The following CEP85L variants were observed in gnomAD, a reference collection of about 807,000 sequenced individuals.
CEP85L encodes the protein centrosomal protein of 85 kDa-like.
CEP85L carries 60 observed loss-of-function variants against 100.3 expected under a neutral mutation model. The observed-to-expected ratio is 0.60, with a 90% CI of 0.49 to 0.74. The LOEUF (loss-of-function observed/expected upper bound fraction) is 0.74. CEP85L is among the 30% of genes least tolerant of loss of function. The pLI, the probability that CEP85L is intolerant of heterozygous loss-of-function variation, is 0.00. For missense variants in CEP85L, 973 were observed against 936.2 expected (o/e 1.04, Z -0.51); for synonymous variants, 319 against 322.7 (o/e 0.99, Z 0.12).
At chr6:118,556,025 C>T (rs918132607) in intron 3 of CEP85L, among the ~76,000 whole-genome samples, 2 of 152,098 alleles carry the variant, frequency 1.3e-5, no homozygotes, top group African/African-American at 4.8e-5. Context: ...TGTATATGTA[C>T]CACATTTTCT....
chr6:118,557,775 C>T (rs1215080517), intron 3 of CEP85L, among the ~76,000 whole-genome samples: 2 of 152,154 alleles, frequency 1.3e-5, no homozygotes, highest in Non-Finnish European at 2.9e-5. Context: ...CATACAAATG[C>T]ATGACAATAA....
At chr6:118,467,509 G>T (rs1772617428) in intron 12 of CEP85L, among the ~76,000 whole-genome samples, 1 of 152,106 alleles carries the variant, frequency 6.6e-6, no homozygotes, top group Non-Finnish European at 1.5e-5. Flanking sequence ...AAATCAACTG[G>T]CTGGTAAAAC....
At chr6:118,546,734 G>A (rs546032699) in intron 3 of CEP85L, among the ~76,000 whole-genome samples, 3 of 151,914 alleles carry the variant, frequency 2.0e-5, no homozygotes, top group Admixed American at 6.6e-5. Context: ...TAGGCTTCTC[G>A]GTTTTGTATT....
At chr6:118,636,938 C>T (rs1008337378) in intron 1 of CEP85L, among the ~76,000 whole-genome samples, 1 of 152,208 alleles carries the variant, frequency 6.6e-6, no homozygotes, top group Non-Finnish European at 1.5e-5. Flanking sequence ...GGCTCTGTTT[C>T]TCTGGAGAAC....
chr6:118,705,017 T>A lies in CEP85L; in HGVS notation c.-28+5019A>T, dbSNP rs566419645. On this transcript the variant is annotated intron_variant, in intron 1 of 13. Coordinates refer to the CEP85L transcript ENST00000368488. The stretch of plus-strand genomic sequence containing the variant: ...TTCTTAGCCCTCTCTCCCAACCACA[T>A]CTGTTTTACTCCCTTTCATTTTTTC... Among the ~76,000 whole-genome samples, 16 of 152,228 alleles carry A rather than the reference T, an allele frequency of 1.1e-4. No homozygotes were observed. In the South Asian group the frequency reaches 2.7e-3, roughly 26 times the overall value.
At chr6:118,625,842 CCTT>C (rs371406208) in intron 2 of CEP85L, among the ~76,000 whole-genome samples, 20 of 152,282 alleles carry the variant, frequency 1.3e-4, no homozygotes, top group African/African-American at 4.6e-4. Flanking sequence ...TTTTTAACCT[CCTT>C]GTCAAATTTA....
At chr6:118,476,332 A>G (rs1773370891) in intron 10 of CEP85L, among the ~76,000 whole-genome samples, 1 of 151,652 alleles carries the variant, frequency 6.6e-6, no homozygotes, top group Non-Finnish European at 1.5e-5. Flanking sequence ...TGGCTGGTAC[A>G]TTTTTCAAAA....
chr6:118,614,236 G>T (rs1210071276), intron 2 of CEP85L, among the ~76,000 whole-genome samples: 13 of 152,076 alleles, frequency 8.5e-5, no homozygotes, highest in Admixed American at 7.2e-4. Context: ...TTGATAAATG[G>T]TATCTACAAA....
chr6:118,501,553 A>G (rs528345753), intron 5 of CEP85L: 4 of 515,586 alleles, frequency 7.8e-6, no homozygotes, highest in Admixed American at 6.7e-5. Context: ...GCAACATGAA[A>G]GAAGAGATCA....
chr6:118,660,029 T>C (rs1468097378), intron 1 of CEP85L, among the ~76,000 whole-genome samples: 1 of 152,226 alleles, frequency 6.6e-6, no homozygotes, highest in African/African-American at 2.4e-5. Context: ...TAAAATGTCT[T>C]AGAGGAAATT....
Position 118,651,276 on chromosome 6 carries a change from CGA to C in CEP85L, c.-9_-8del. The C allele has an allele frequency of 6.7e-7, 1 of 1,485,260 alleles. No individual in the cohort carries two copies. The allele number at this position is 1,485,260 out of a possible 1,614,324, so 92.0% of individuals were successfully genotyped here. A position where few individuals can be genotyped will look rare whatever the true frequency, so the allele number is the denominator to read the frequency against. ...CCAGGAAGCGCCCCCACATCGCGGG[CGA>C]GAGGGCCGGGTGGGCCAGGGACGCC... On this transcript the variant is annotated 5_prime_UTR_variant, in exon 1 of 13. Coordinates refer to ENST00000368491, the MANE Select transcript of CEP85L (RefSeq NM_001042475.3).
intron 1 of CEP85L, among the ~76,000 whole-genome samples, chr6:118,686,916 T>C (rs1776852660): frequency 6.6e-6 from 1 of 152,206 alleles, no homozygotes; most frequent in Non-Finnish European, 1.5e-5. Flanking sequence ...ATACTGAGAA[T>C]GAAGCCTACA....
upstream of CEP85L, among the ~76,000 whole-genome samples, chr6:118,655,645 C>A (rs1301339531): frequency 1.3e-5 from 2 of 152,302 alleles, no homozygotes; most frequent in East Asian, 3.9e-4. Flanking sequence ...CACACAGCCT[C>A]CTACCTGACC....
chr6:118,606,664 T>A (rs1772244117), intron 2 of CEP85L, among the ~76,000 whole-genome samples: 1 of 152,236 alleles, frequency 6.6e-6, no homozygotes, highest in South Asian at 2.1e-4. Context: ...CTTCATCCAG[T>A]ATTTGTGTTT....
intron 2 of CEP85L, among the ~76,000 whole-genome samples, chr6:118,575,758 G>C (rs1445371334): frequency 6.6e-6 from 1 of 152,110 alleles, no homozygotes; most frequent in African/African-American, 2.4e-5. Flanking sequence ...TGGGTACATA[G>C]GAATACAAAC....
intron 3 of CEP85L, among the ~76,000 whole-genome samples, chr6:118,528,015 A>T (rs1348490720): frequency 6.6e-6 from 1 of 152,136 alleles, no homozygotes; most frequent in Admixed American, 6.5e-5. Flanking sequence ...ACACACCAGC[A>T]GTCATCCACA....
chr6:118,507,002 C>T (rs1775697685), intron 5 of CEP85L, among the ~76,000 whole-genome samples: 1 of 152,096 alleles, frequency 6.6e-6, no homozygotes, highest in Non-Finnish European at 1.5e-5. Context: ...TTGCACAAAT[C>T]CTCCCTTGGA....
At chr6:118,708,628 C>G (rs1777677036) in intron 1 of CEP85L, among the ~76,000 whole-genome samples, 1 of 152,154 alleles carries the variant, frequency 6.6e-6, no homozygotes, top group Non-Finnish European at 1.5e-5. Flanking sequence ...TGGCACAGAA[C>G]CTACTCTTGA....
chr6:118,622,610 T>A (rs1180063867), intron 2 of CEP85L, among the ~76,000 whole-genome samples: 1 of 152,158 alleles, frequency 6.6e-6, no homozygotes, highest in Non-Finnish European at 1.5e-5. Context: ...GCCTTAGAAC[T>A]GGGAGAAGGA....
Sources: allele counts gnomAD v4.1 joint callset (sites outside exome capture counted in the v4.1 genomes callset), GRCh38; gene constraint gnomAD v4.1.1; transcripts MANE v1.5; gene names NCBI Gene and HGNC (gene_info 2026-07-23, HGNC 2026-07-21).